Variants in TIMP3 observed in about 807,000 individuals in gnomAD.
TIMP3 encodes the protein metalloproteinase inhibitor 3.
In TIMP3, 11 loss-of-function variants were observed where a neutral mutation model predicts 30.0. That is an observed-to-expected ratio of 0.37 (90% confidence interval 0.23 to 0.61). The LOEUF is 0.61. TIMP3 is among the 20% of genes least tolerant of loss of function. The pLI is 0.70. For synonymous variants in TIMP3, 112 were observed against 111.3 expected (o/e 1.01, Z -0.04); for missense variants, 181 against 276.8 (o/e 0.65, Z 2.45).
At chr22:32,813,146 T>C (rs2046957684) in intron 1 of TIMP3, among the ~76,000 whole-genome samples, 1 of 152,218 alleles carries the variant, frequency 6.6e-6, no homozygotes, top group African/African-American at 2.4e-5. Flanking sequence ...CATATTGGAA[T>C]ATTACTCACT....
chr22:32,843,668 C>T (rs2047979646), intron 1 of TIMP3, among the ~76,000 whole-genome samples: 1 of 152,154 alleles, frequency 6.6e-6, no homozygotes. Context: ...TTCCAGATCC[C>T]TCTTTTCCTC....
intron 1 of TIMP3, among the ~76,000 whole-genome samples, chr22:32,822,188 T>C (rs1234154440): frequency 6.7e-6 from 1 of 148,416 alleles, no homozygotes; most frequent in Non-Finnish European, 1.5e-5. Flanking sequence ...GTTGGAGCTC[T>C]GTCTGTCTGT....
chr22:32,814,227 GAAAAA>G (rs1246463192), intron 1 of TIMP3, among the ~76,000 whole-genome samples: 1 of 122,990 alleles, frequency 8.1e-6, no homozygotes, highest in Non-Finnish European at 1.7e-5. Context: ...AGGAAAGAAA[GAAAAA>G]AAAAGAAAGA....
chr22:32,804,934 G>A (rs1049878623), intron 1 of TIMP3, among the ~76,000 whole-genome samples: 2 of 152,298 alleles, frequency 1.3e-5, no homozygotes, highest in South Asian at 2.1e-4. Context: ...TGAAGAAGGC[G>A]GCCTCGGCCC....
rs2047756057 is a variant in TIMP3, at chr22:32,837,165, C to T, written c.122-12287C>T. On this transcript the variant is annotated intron_variant, in intron 1 of 4. Transcript: ENST00000266085. This position sits in a 1 kb window ranked among gnomAD's most constrained non-coding sequence, Gnocchi z 4.1. The stretch of plus-strand genomic sequence containing the variant: ...CTTCAAAAATGCCCCGACCTGAAAG[C>T]TGGAAGTTCTGAGAACCGTTTGAGG... 6.6e-6 allele frequency among the ~76,000 whole-genome samples: 1 copy of T among 152,214 alleles called. No homozygotes were observed. Among genetic ancestry groups the T allele is most frequent in the South Asian group, 2.1e-4 (1 of 4,834 alleles).
chr22:32,818,653 C>T lies in TIMP3; in HGVS notation c.121+16531C>T, dbSNP rs543651355. ...CTCCCAGGGCTGGGTGTTTGTCTCC[C>T]CTCCGGCGCTGGGCCTCCTGCTTGG... On this transcript the variant is annotated intron_variant, in intron 1 of 4. Coordinates refer to ENST00000266085, the MANE Select transcript of TIMP3 (RefSeq NM_000362.5). 4.7e-4 allele frequency among the ~76,000 whole-genome samples: 71 copies of T among 152,300 alleles called. 1 individual carries two copies. The highest frequency in any genetic ancestry group is 1.7e-3 in the African/African-American group (70 of 41,570).
intron 2 of TIMP3, among the ~76,000 whole-genome samples, chr22:32,851,838 G>A (rs2048227344): frequency 6.6e-6 from 1 of 152,106 alleles, no homozygotes; most frequent in African/African-American, 2.4e-5. Context: ...GAACTGGTCA[G>A]TGCCCTTCTA....
At chr22:32,829,600 G>A (rs1391979894) in intron 1 of TIMP3, among the ~76,000 whole-genome samples, 2 of 152,234 alleles carry the variant, frequency 1.3e-5, no homozygotes, top group Non-Finnish European at 2.9e-5. Flanking sequence ...TAATTGGCCT[G>A]GGTCTGGCCT....
At chr22:32,807,399 A>ATAATATATATT in intron 1 of TIMP3, among the ~76,000 whole-genome samples, 1 of 118,344 alleles carries the variant, frequency 8.4e-6, no homozygotes, top group African/African-American at 3.3e-5. Context: ...TATATAATAT[A>ATAATATATATT]TATATATTAT....
At chr22:32,854,418 C>T (rs567369996) in intron 2 of TIMP3, among the ~76,000 whole-genome samples, 4 of 152,148 alleles carry the variant, frequency 2.6e-5, no homozygotes, top group South Asian at 2.1e-4. Context: ...CTCTCACCCA[C>T]GAAGCACTAG....
At chr22:32,825,709 G>A (rs1276351562) in intron 1 of TIMP3, among the ~76,000 whole-genome samples, 1 of 130,118 alleles carries the variant, frequency 7.7e-6, no homozygotes, top group East Asian at 2.5e-4. Context: ...ATGTGTGTAT[G>A]TGTGTATGCT....
At chr22:32,857,752 T>C (rs545739960) in intron 3 of TIMP3, among the ~76,000 whole-genome samples, 3 of 151,946 alleles carry the variant, frequency 2.0e-5, no homozygotes, top group Non-Finnish European at 2.9e-5. Context: ...GAGTGAAGAG[T>C]TGGCCTCTAG....
At chr22:32,855,024 T>C (rs754656531) in intron 2 of TIMP3, among the ~76,000 whole-genome samples, 1 of 152,236 alleles carries the variant, frequency 6.6e-6, no homozygotes, top group Non-Finnish European at 1.5e-5. Flanking sequence ...AAGAGATGTC[T>C]GGCTTTGTAT....
intron 1 of TIMP3, among the ~76,000 whole-genome samples, chr22:32,812,250 A>G (rs954267559): frequency 8.5e-5 from 13 of 152,218 alleles, no homozygotes; most frequent in African/African-American, 3.1e-4. Flanking sequence ...TCTGTCAACC[A>G]CACCCTTCAG....
chr22:32,803,827 G>C (rs915693103), intron 1 of TIMP3, among the ~76,000 whole-genome samples: 2 of 152,158 alleles, frequency 1.3e-5, no homozygotes, highest in African/African-American at 4.8e-5. Context: ...AAATGGGCTG[G>C]GTGACTTCAC....
rs916982424 is a variant in TIMP3, at chr22:32,860,291, A to G, written c.*914A>G. The G allele has an allele frequency of 1.3e-5, 2 of 152,608 alleles. No homozygotes were observed. The highest frequency in any genetic ancestry group is 4.8e-5 in the African/African-American group (2 of 41,452). 9.5% of individuals were successfully genotyped at this position (152,608 alleles called of 1,614,324 possible). On this transcript the variant is annotated 3_prime_UTR_variant, in exon 5 of 5. Transcript: ENST00000266085. ...TAAATTGGATAAATACACACACCATACACTATCCACAGATATAGCCAAGTA... is the reference window on the plus strand; with the variant it reads ...TAAATTGGATAAATACACACACCATGCACTATCCACAGATATAGCCAAGTA...
At chr22:32,848,219 A>G (rs1256425851) in intron 1 of TIMP3, among the ~76,000 whole-genome samples, 12 of 152,252 alleles carry the variant, frequency 7.9e-5, no homozygotes, top group Non-Finnish European at 1.6e-4. Flanking sequence ...CCTCTCTTTC[A>G]GCCCTCAACC....
chr22:32,857,452 C>A, intron 3 of TIMP3, 92 bp downstream of exon 3: 2 of 946,792 alleles, frequency 2.1e-6, no homozygotes, highest in Non-Finnish European at 1.7e-6. Flanking sequence ...GTTGACTCAC[C>A]AAATGTCCAG....
intron 1 of TIMP3, among the ~76,000 whole-genome samples, chr22:32,842,793 T>A (rs1398176726): frequency 6.6e-6 from 1 of 152,180 alleles, no homozygotes; most frequent in African/African-American, 2.4e-5. Context: ...GATGATACGA[T>A]ATACTGTTAT....
Sources: allele counts gnomAD v4.1 joint callset (sites outside exome capture counted in the v4.1 genomes callset), GRCh38; gene constraint gnomAD v4.1.1; non-coding constraint Gnocchi (gnomAD v3.1); transcripts MANE v1.5; gene names NCBI Gene and HGNC (gene_info 2026-07-23, HGNC 2026-07-21).